Variants in CLEC20A observed in about 807,000 individuals in gnomAD.
The protein encoded by CLEC20A is C-type lectin domain containing 20A.
intron 5 of CLEC20A, among the ~76,000 whole-genome samples, chr1:178,485,469 G>C (rs185233430): frequency 6.6e-6 from 1 of 152,148 alleles, no homozygotes; most frequent in Non-Finnish European, 1.5e-5. Context: ...TATTCCTTCT[G>C]CCAGGAAGAA....
chr1:178,490,891 C>T (rs1649252742), intron 3 of CLEC20A, among the ~76,000 whole-genome samples: 1 of 152,220 alleles, frequency 6.6e-6, no homozygotes, highest in Non-Finnish European at 1.5e-5. Flanking sequence ...TGGGGCCACC[C>T]TCCAGTGTGA....
At chr1:178,492,017 C>T (rs1649276244) in intron 3 of CLEC20A, among the ~76,000 whole-genome samples, 1 of 152,162 alleles carries the variant, frequency 6.6e-6, no homozygotes, top group African/African-American at 2.4e-5. Flanking sequence ...GGCTCGGTGG[C>T]TCATACCTGT....
At chr1:178,486,474 G>A (rs143308672) in intron 5 of CLEC20A, 276 of 398,796 alleles carry the variant, frequency 6.9e-4, no homozygotes, top group African/African-American at 5.0e-3. Flanking sequence ...CCTCTGGGCG[G>A]GTGTCTTGGC....
At chr1:178,497,856 CT>C (rs1346246979), upstream of CLEC20A, among the ~76,000 whole-genome samples, 1 of 151,976 alleles carries the variant, frequency 6.6e-6, no homozygotes, top group East Asian at 1.9e-4. Flanking sequence ...GGGCTGGCTG[CT>C]GGGGGAGAAA....
chr1:178,492,762 A>G (rs969981971), intron 2 of CLEC20A, among the ~76,000 whole-genome samples, 196 bp from the exon 3 acceptor site: 1 of 152,220 alleles, frequency 6.6e-6, no homozygotes, highest in African/African-American at 2.4e-5. Context: ...CTGGGAAAAA[A>G]TGGCAGAAAT....
intron 4 of CLEC20A, among the ~76,000 whole-genome samples, chr1:178,489,857 T>C (rs1279506293): frequency 6.6e-6 from 1 of 152,240 alleles, no homozygotes; most frequent in Non-Finnish European, 1.5e-5. Context: ...TCCGTTCCAT[T>C]ATTTAAAGAT....
chr1:178,488,416 AG>A (rs1480041518), intron 5 of CLEC20A, 84 bp downstream of exon 5: 2 of 398,130 alleles, frequency 5.0e-6, no homozygotes, highest in Non-Finnish European at 8.9e-6. Flanking sequence ...CCCTTCTAAG[AG>A]GGGCTTATGG....
chr1:178,489,156 A>G (rs1294390919), intron 4 of CLEC20A, among the ~76,000 whole-genome samples: 1 of 152,144 alleles, frequency 6.6e-6, no homozygotes, highest in Non-Finnish European at 1.5e-5. Context: ...TGAGGTCAGG[A>G]GTTCAAGACC....
chr1:178,495,193 ACCC>A lies in CLEC20A; in HGVS notation c.41-386_41-384del, dbSNP rs1165326620. On this transcript the variant is annotated intron_variant, in intron 1 of 7. Coordinates refer to ENST00000623247, the Ensembl canonical transcript of CLEC20A. ...TAACAATAGACAATGCTTGCTGAGCACCCGCCATGTGCCATCAGCTCAAGGAAT... is the reference window on the plus strand; with the variant it reads ...TAACAATAGACAATGCTTGCTGAGCAGCCATGTGCCATCAGCTCAAGGAAT... Among the ~76,000 whole-genome samples, 132 of 152,320 alleles carry A rather than the reference ACCC, an allele frequency of 8.7e-4. 1 individual carries two copies. The highest frequency in any genetic ancestry group is 3.0e-3 in the African/African-American group (123 of 41,564).
chr1:178,491,405 T>C (rs1205183012), intron 3 of CLEC20A, among the ~76,000 whole-genome samples: 2 of 152,158 alleles, frequency 1.3e-5, no homozygotes, highest in Non-Finnish European at 2.9e-5. Flanking sequence ...CCATCAAGAT[T>C]TGCCTCCAAT....
At chr1:178,491,014 G>T (rs1279593163) in intron 3 of CLEC20A, among the ~76,000 whole-genome samples, 1 of 152,220 alleles carries the variant, frequency 6.6e-6, no homozygotes, top group Non-Finnish European at 1.5e-5. Flanking sequence ...CCAGGGAGAA[G>T]AGGCCAGCCT....
At position 178,479,322 on chromosome 1, in the gene CLEC20A, A is replaced by T. The variant is rs1252437718; in HGVS notation, c.*213T>A. 5 of 359,962 alleles carry T rather than the reference A, an allele frequency of 1.4e-5. No homozygotes were observed. In the East Asian group the frequency reaches 2.0e-4, roughly 14 times the overall value. The allele number at this position is 359,962 out of a possible 1,614,324, so 22.3% of individuals were successfully genotyped here. A position where few individuals can be genotyped will look rare whatever the true frequency, so the allele number is the denominator to read the frequency against. ...ATTCCCAACATGATTGTTCCCAAAT[A>T]CACCCATCTTCTCCTGCATCCCTGT... On this transcript the variant is annotated 3_prime_UTR_variant, in exon 8 of 8. Coordinates refer to ENST00000623247, the Ensembl canonical transcript of CLEC20A.
At chr1:178,495,781 T>A (rs559925875) in intron 1 of CLEC20A, 13 of 151,982 alleles carry the variant, frequency 8.6e-5, no homozygotes, top group African/African-American at 2.9e-4. Context: ...AGCCCCAAGA[T>A]CTGTGTTCCT....
At chr1:178,494,465 A>G in exon 2 of CLEC20A, 1 of 399,966 alleles carries the variant, frequency 2.5e-6, no homozygotes, top group Non-Finnish European at 4.4e-6. Flanking sequence ...ACAGTAGCAG[A>G]GGAAGGGCTT....
chr1:178,492,952 A>G (rs1048864822), intron 2 of CLEC20A, among the ~76,000 whole-genome samples: 1 of 152,212 alleles, frequency 6.6e-6, no homozygotes, highest in African/African-American at 2.4e-5. Flanking sequence ...GCGAGGCCTG[A>G]TGGCTAAAGG....
chr1:178,494,388 C>T, intron 2 of CLEC20A, 66 bp downstream of exon 2: 1 of 399,150 alleles, frequency 2.5e-6, no homozygotes, highest in East Asian at 3.6e-5. Context: ...CACTGCACTC[C>T]AGCCTGGGCA....
At chr1:178,497,255 C>T, upstream of CLEC20A, 1 of 312,854 alleles carries the variant, frequency 3.2e-6, no homozygotes, top group East Asian at 5.1e-5. Context: ...TTACCTTCTC[C>T]TGCCTTCCTG....
exon 4 of CLEC20A, chr1:178,490,110 A>C (rs893887744): frequency 3.0e-5 from 12 of 398,664 alleles, no homozygotes; most frequent in Admixed American, 1.8e-4. Context: ...AGAGCAGTTC[A>C]CTGAGTACAC....
intron 2 of CLEC20A, among the ~76,000 whole-genome samples, chr1:178,492,884 G>A (rs949959354): frequency 1.3e-5 from 2 of 152,234 alleles, no homozygotes; most frequent in African/African-American, 4.8e-5. Flanking sequence ...CAGTGAGAAG[G>A]AGCCAAAGGA....
Sources: gnomAD v4.1 joint callset for allele counts (sites outside exome capture counted in the v4.1 genomes callset) on GRCh38, gnomAD v4.1.1 for gene constraint, MANE v1.5 for transcripts, NCBI Gene and HGNC (gene_info 2026-07-23, HGNC 2026-07-21) for gene names.